The following DYNC2H1 variants were observed in gnomAD, a reference collection of about 807,000 sequenced individuals.
The protein encoded by DYNC2H1 is cytoplasmic dynein 2 heavy chain 1.
Under a neutral mutation model 570.0 loss-of-function variants are expected in DYNC2H1, and 410 were observed. That is an observed-to-expected ratio of 0.72 (90% confidence interval 0.66 to 0.78). The LOEUF (loss-of-function observed/expected upper bound fraction) is 0.78, where lower values mean the gene tolerates loss of function less well. Ranked by LOEUF, DYNC2H1 falls within the 30% of genes least tolerant of loss-of-function variation. DYNC2H1 has a pLI of 0.00. For synonymous variants in DYNC2H1, 1,688 were observed against 1,677.6 expected (o/e 1.01, Z -0.15); for missense variants, 4,865 against 5,046.4 (o/e 0.96, Z 1.09).
Position 103,119,370 on chromosome 11 carries a change from C to T in DYNC2H1, c.1000-1077C>T, listed in dbSNP as rs549304777. Among the ~76,000 whole-genome samples, 118 of 151,964 alleles carry T rather than the reference C, an allele frequency of 7.8e-4. 3 individuals are homozygous for T. The South Asian group carries it at 0.022, about 28-fold the overall frequency. ...TTCCTTTTTTTTTGAGATGGAATCT[C>T]GATATGTTGCCCAGGTTAGAGTACA... On this transcript the variant is annotated intron_variant, in intron 6 of 88. Coordinates refer to ENST00000375735, the MANE Select transcript of DYNC2H1 (RefSeq NM_001377.3).
intron 15 of DYNC2H1, among the ~76,000 whole-genome samples, chr11:103,135,056 G>A (rs1264888705): frequency 1.3e-5 from 2 of 151,990 alleles, no homozygotes; most frequent in African/African-American, 2.4e-5. Context: ...ATTCTTATGA[G>A]CAATCTAATA....
At chr11:103,240,845 A>G (rs1015547879) in intron 63 of DYNC2H1, among the ~76,000 whole-genome samples, 2 of 152,124 alleles carry the variant, frequency 1.3e-5, no homozygotes, top group Non-Finnish European at 2.9e-5. Flanking sequence ...TAAAAATTTC[A>G]TTATCCTTAG....
rs536849311 is a variant in DYNC2H1 at position 103,236,535 on chromosome 11, T to C, written c.9815T>C (p.Leu3272Ser). The C allele has an allele frequency of 3.3e-5, 50 of 1,503,582 alleles. No individual in the cohort carries two copies. The South Asian group carries it at 6.0e-4, about 18-fold the overall frequency. The allele number at this position is 1,503,582 out of a possible 1,614,324, so 93.1% of individuals were successfully genotyped here. ...TCCATAGAAAATGCTCTTGTAATAT[T>C]ACAGGTAGTTAATTTATTTTAATTT... ...DLSIENALVI[L>S]QSRVCPFLID... The change falls in exon 63 of 89, where the codon TTA becomes TCA. Residue 3272 changes from leucine to serine, a missense_variant. Coordinates refer to ENST00000375735, the MANE Select transcript of DYNC2H1 (RefSeq NM_001377.3).
At chr11:103,468,408 T>G (rs1945265801) in intron 87 of DYNC2H1, 181 bp from the exon 88 acceptor site, 1 of 446,490 alleles carries the variant, frequency 2.2e-6, no homozygotes, top group African/African-American at 2.0e-5. Flanking sequence ...CTCAAAGAAG[T>G]TGACAGTGAA....
chr11:103,118,974 A>G (rs1858558827), intron 6 of DYNC2H1, among the ~76,000 whole-genome samples: 1 of 151,542 alleles, frequency 6.6e-6, no homozygotes, highest in Admixed American at 6.6e-5. Flanking sequence ...CAAAATGGTG[A>G]TTTTCTAATT....
intron 87 of DYNC2H1, among the ~76,000 whole-genome samples, chr11:103,457,607 C>G (rs1159609857): frequency 1.3e-5 from 2 of 151,886 alleles, no homozygotes; most frequent in East Asian, 3.9e-4. Context: ...CTTTTTGACT[C>G]TTATAAATAA....
At chr11:103,211,540 T>G (rs1863154071) in intron 53 of DYNC2H1, among the ~76,000 whole-genome samples, 2 of 152,036 alleles carry the variant, frequency 1.3e-5, no homozygotes, top group African/African-American at 4.8e-5. Context: ...AATAAAGATG[T>G]TCAGGGGAAA....
At chr11:103,250,442 A>G (rs545159739) in intron 65 of DYNC2H1, among the ~76,000 whole-genome samples, 1 of 152,202 alleles carries the variant, frequency 6.6e-6, no homozygotes, top group South Asian at 2.1e-4. Context: ...CCTATTGATC[A>G]CGTCACCCAG....
At chr11:103,174,748 A>G (rs961703489) in intron 36 of DYNC2H1, among the ~76,000 whole-genome samples, 7 of 152,264 alleles carry the variant, frequency 4.6e-5, no homozygotes, top group Non-Finnish European at 1.0e-4. Context: ...CAGTGGGTAT[A>G]TAACAACCAT....
chr11:103,224,931 A>G (rs948948013), intron 59 of DYNC2H1, among the ~76,000 whole-genome samples: 1 of 152,038 alleles, frequency 6.6e-6, no homozygotes, highest in African/African-American at 2.4e-5. Context: ...TAATTTTTTT[A>G]TTATGGCCAT....
intron 83 of DYNC2H1, among the ~76,000 whole-genome samples, chr11:103,374,695 G>C (rs570954692): frequency 2.4e-4 from 36 of 152,256 alleles, no homozygotes; most frequent in African/African-American, 8.7e-4. Context: ...CTTTAGTAGA[G>C]AGCTTTTTGA....
chr11:103,224,796 T>A (rs1472511325), intron 59 of DYNC2H1, among the ~76,000 whole-genome samples: 1 of 152,240 alleles, frequency 6.6e-6, no homozygotes, highest in African/African-American at 2.4e-5. Flanking sequence ...AAAGAGTAGA[T>A]CTACTTTTAG....
At chr11:103,356,261 G>T (rs1940331234) in intron 82 of DYNC2H1, among the ~76,000 whole-genome samples, 1 of 152,016 alleles carries the variant, frequency 6.6e-6, no homozygotes, top group Non-Finnish European at 1.5e-5. Context: ...AAAACAGACA[G>T]TTCATTGATA....
intron 85 of DYNC2H1, among the ~76,000 whole-genome samples, chr11:103,437,568 G>T (rs891124987): frequency 3.9e-5 from 6 of 152,086 alleles, no homozygotes; most frequent in African/African-American, 1.4e-4. Context: ...GAAGAATCTG[G>T]CAGGGACTCT....
At chr11:103,301,371 T>G (rs1867039059) in intron 75 of DYNC2H1, among the ~76,000 whole-genome samples, 2 of 151,972 alleles carry the variant, frequency 1.3e-5, no homozygotes, top group African/African-American at 4.8e-5. Context: ...ATGTACATTT[T>G]TAAGACTTTT....
At chr11:103,236,991 G>A (rs1055890331) in intron 63 of DYNC2H1, among the ~76,000 whole-genome samples, 2 of 151,914 alleles carry the variant, frequency 1.3e-5, no homozygotes, top group African/African-American at 4.8e-5. Context: ...AATTTGTTTT[G>A]TCACATAGTG....
Position 103,299,263 on chromosome 11 carries a change from C to T in DYNC2H1, c.11096-3830C>T, listed in dbSNP as rs1488247271. On this transcript the variant is annotated intron_variant, in intron 75 of 88. Transcript: ENST00000375735. The surrounding 1 kb of genome is among the most constrained non-coding windows in gnomAD (Gnocchi z 4.5). ...CATCCCATGCACCCTGCTTTCATAGCTCAATCTGTCTTATCAAGTTTGTGT... is the reference window on the plus strand; with the variant it reads ...CATCCCATGCACCCTGCTTTCATAGTTCAATCTGTCTTATCAAGTTTGTGT... Among the ~76,000 whole-genome samples the T allele has an allele frequency of 6.6e-6, 1 of 152,102 alleles. No homozygotes were observed. Among genetic ancestry groups the T allele is most frequent in the Non-Finnish European group, 1.5e-5 (1 of 67,996 alleles).
At chr11:103,222,916 C>A in intron 58 of DYNC2H1, 49 bp from the exon 59 acceptor site, 1 of 1,605,558 alleles carries the variant, frequency 6.2e-7, no homozygotes, top group Non-Finnish European at 8.5e-7. Flanking sequence ...ACTTTGCTTT[C>A]ATTTGAAATT....
At chr11:103,197,628 T>C (rs1464807387) in intron 47 of DYNC2H1, among the ~76,000 whole-genome samples, 1 of 152,050 alleles carries the variant, frequency 6.6e-6, no homozygotes, top group African/African-American at 2.4e-5. Flanking sequence ...TTAAATTTTT[T>C]ATAGAGATGG....
Sources: allele counts gnomAD v4.1 joint callset (sites outside exome capture counted in the v4.1 genomes callset), GRCh38; gene constraint gnomAD v4.1.1; non-coding constraint Gnocchi (gnomAD v3.1); transcripts MANE v1.5; gene names NCBI Gene and HGNC (gene_info 2026-07-23, HGNC 2026-07-21).